Variants in CIMIP6 observed in about 807,000 individuals in gnomAD.
The protein encoded by CIMIP6 is uncharacterized protein C2orf73.
chr2:54,364,795 T>TA, the CIMIP6 span, among the ~76,000 whole-genome samples: 1 of 152,220 alleles, frequency 6.6e-6, no homozygotes, highest in Non-Finnish European at 1.5e-5. Context: ...CTTACTGCCT[T>TA]AACGGACTAC....
chr2:54,372,511 C>T, the CIMIP6 span, among the ~76,000 whole-genome samples: 1 of 152,174 alleles, frequency 6.6e-6, no homozygotes, highest in African/African-American at 2.4e-5. Context: ...CTTAGACCAA[C>T]AGAGCAAGGC....
At chr2:54,369,309 TA>T in the CIMIP6 span, among the ~76,000 whole-genome samples, 2,358 of 149,052 alleles carry the variant, frequency 0.016, 60 homozygotes, top group African/African-American at 0.055. Context: ...CTTAGGAGGC[TA>T]AAAAAAAAAT....
At chr2:54,377,191 C>A in the CIMIP6 span, among the ~76,000 whole-genome samples, 2 of 152,116 alleles carry the variant, frequency 1.3e-5, no homozygotes, top group African/African-American at 4.8e-5. Context: ...AACCCACGCT[C>A]CCTGAAAAAC....
the CIMIP6 span, among the ~76,000 whole-genome samples, chr2:54,382,882 T>C: frequency 1.3e-5 from 2 of 152,226 alleles, no homozygotes; most frequent in African/African-American, 2.4e-5. Flanking sequence ...ATTCCCCTTC[T>C]TCTGAGTGGG....
the CIMIP6 span, among the ~76,000 whole-genome samples, chr2:54,343,120 T>C: frequency 1.3e-5 from 2 of 152,134 alleles, no homozygotes; most frequent in African/African-American, 2.4e-5. Flanking sequence ...AATCAATGAG[T>C]TGCAGTCAGC....
the CIMIP6 span, among the ~76,000 whole-genome samples, chr2:54,371,399 A>G: frequency 1.3e-5 from 2 of 152,186 alleles, no homozygotes; most frequent in African/African-American, 4.8e-5. Context: ...TCCTTATTCC[A>G]CATTCACCCA....
chr2:54,383,570 T>G, the CIMIP6 span: 2 of 152,184 alleles, frequency 1.3e-5, no homozygotes, highest in Admixed American at 6.5e-5. Flanking sequence ...ATTTGGGACT[T>G]GTTTGCTATA....
At chr2:54,379,910 G>A in the CIMIP6 span, among the ~76,000 whole-genome samples, 1 of 151,878 alleles carries the variant, frequency 6.6e-6, no homozygotes. Context: ...CCAGGAGGTG[G>A]AGGTTACAGT....
At chr2:54,356,032 C>T in the CIMIP6 span, among the ~76,000 whole-genome samples, 2 of 151,906 alleles carry the variant, frequency 1.3e-5, no homozygotes, top group Non-Finnish European at 2.9e-5. Context: ...AAATGAGGCT[C>T]AGGCCAGAGA....
the CIMIP6 span, among the ~76,000 whole-genome samples, chr2:54,340,984 A>T: frequency 6.6e-6 from 1 of 152,146 alleles, no homozygotes; most frequent in Admixed American, 6.5e-5. Flanking sequence ...ATAATAACAA[A>T]TAATAATAAT....
chr2:54,341,166 G>A, the CIMIP6 span, among the ~76,000 whole-genome samples: 7 of 152,226 alleles, frequency 4.6e-5, no homozygotes, highest in African/African-American at 1.7e-4. Context: ...TACTGCTATG[G>A]TTTGAATGTT....
At chr2:54,376,081 T>C in the CIMIP6 span, among the ~76,000 whole-genome samples, 5 of 152,280 alleles carry the variant, frequency 3.3e-5, no homozygotes, top group South Asian at 2.1e-4. Flanking sequence ...TGTTGCCAAG[T>C]CTGGAATGCA....
chr2:54,334,949 A>G, the CIMIP6 span: 2 of 1,601,932 alleles, frequency 1.2e-6, no homozygotes, highest in South Asian at 2.3e-5. Context: ...ATTATGCTAA[A>G]TTCATTAACA....
At chr2:54,383,886 C>G in the CIMIP6 span, 2 of 152,112 alleles carry the variant, frequency 1.3e-5, no homozygotes, top group African/African-American at 4.8e-5. Flanking sequence ...TATAAAAGGA[C>G]AAGGTAGGCC....
the CIMIP6 span, among the ~76,000 whole-genome samples, chr2:54,380,769 G>T: frequency 1.3e-5 from 2 of 152,062 alleles, no homozygotes; most frequent in African/African-American, 4.8e-5. Context: ...ATACACATAC[G>T]CATGATTACA....
the CIMIP6 span, among the ~76,000 whole-genome samples, chr2:54,336,217 A>G: frequency 6.6e-6 from 1 of 152,154 alleles, no homozygotes; most frequent in East Asian, 1.9e-4. Flanking sequence ...TCAAGCTATG[A>G]ATCATTTCTA....
the CIMIP6 span, among the ~76,000 whole-genome samples, chr2:54,341,954 T>C: frequency 6.6e-6 from 1 of 152,138 alleles, no homozygotes; most frequent in East Asian, 1.9e-4. Flanking sequence ...TTCTAGAATT[T>C]TCCTAGGATC....
chr2:54,349,233 G>A, the CIMIP6 span, among the ~76,000 whole-genome samples: 1 of 151,824 alleles, frequency 6.6e-6, no homozygotes, highest in Non-Finnish European at 1.5e-5. Context: ...TCTTTTTACT[G>A]TATTTTGAAA....
the CIMIP6 span, among the ~76,000 whole-genome samples, chr2:54,375,775 A>G: frequency 6.6e-6 from 1 of 152,238 alleles, no homozygotes; most frequent in Admixed American, 6.5e-5. Flanking sequence ...GCATTTGAGC[A>G]TGGGCTAGAT....
Sources: gnomAD v4.1 joint callset for allele counts (sites outside exome capture counted in the v4.1 genomes callset) on GRCh38, gnomAD v4.1.1 for gene constraint, MANE v1.5 for transcripts, NCBI Gene and HGNC (gene_info 2026-07-23, HGNC 2026-07-21) for gene names.